The following ANKS3 variants were observed in gnomAD, a reference collection of about 807,000 sequenced individuals.
ANKS3 encodes ankyrin repeat and SAM domain-containing protein 3.
Under a neutral mutation model 80.7 loss-of-function variants are expected in ANKS3, and 62 were observed. The ratio of observed to expected loss-of-function variants is 0.77; its 90% CI spans 0.63 to 0.95. The LOEUF is 0.95. Among genes scored for constraint, ANKS3 ranks in the 40% least tolerant of loss-of-function variants. ANKS3 has a pLI of 0.00. For missense variants in ANKS3, 1,150 were observed against 883.6 expected (o/e 1.30, Z -3.82); for synonymous variants, 489 against 355.3 (o/e 1.38, Z -4.23).
At position 4,724,745 on chromosome 16, in the gene ANKS3, C is replaced by CTTA. The variant is rs768863035; in HGVS notation, c.573+2_573+4dup. 6.4e-5 allele frequency: 103 copies of CTTA among 1,612,510 alleles called. No individual in the cohort carries two copies. The highest frequency in any genetic ancestry group is 1.1e-5 in the Non-Finnish European group (13 of 1,179,262). Reference sequence around the variant, plus strand: ...CATTACATGCTAATAATCAGGGTCACTTACGTGATTCAGAAAATACTGCAC... The same window carrying CTTA: ...CATTACATGCTAATAATCAGGGTCACTTATTACGTGATTCAGAAAATACTGCAC... On this transcript the variant is annotated splice_donor_region_variant and intron_variant, in intron 6 of 17. Coordinates refer to ENST00000304283, the MANE Select transcript of ANKS3 (RefSeq NM_133450.4).
chr16:4,724,498 A>G (rs533862581), intron 6 of ANKS3, among the ~76,000 whole-genome samples: 7 of 152,330 alleles, frequency 4.6e-5, no homozygotes, highest in African/African-American at 1.7e-4. Context: ...TACTTTTAAA[A>G]TATTTTTCCA....
At chr16:4,726,599 C>G in intron 5 of ANKS3, 60 bp downstream of exon 5, 1 of 1,572,924 alleles carries the variant, frequency 6.4e-7, no homozygotes, top group South Asian at 1.1e-5. Flanking sequence ...CAGAGCCACC[C>G]TCCTTAGAGT....
chr16:4,706,592 C>G (rs1264099636), intron 7 of ANKS3, among the ~76,000 whole-genome samples: 1 of 152,208 alleles, frequency 6.6e-6, no homozygotes, highest in Non-Finnish European at 1.5e-5. Flanking sequence ...TAAACTGTTT[C>G]AAATCACTTC....
intron 1 of ANKS3, among the ~76,000 whole-genome samples, chr16:4,733,202 CAAAAA>C (rs56944690): frequency 2.4e-4 from 17 of 70,528 alleles, no homozygotes; most frequent in African/African-American, 5.9e-4. Context: ...GACTCCGTCT[CAAAAA>C]AAAAAAAAAA....
chr16:4,697,231 C>G, intron 16 of ANKS3, 102 bp downstream of exon 16: 1 of 1,549,500 alleles, frequency 6.5e-7, no homozygotes, highest in East Asian at 2.3e-5. Flanking sequence ...CGAGGTCAGC[C>G]TTGGGGTAGA....
intron 16 of ANKS3, 96 bp downstream of exon 16, chr16:4,697,237 G>T (rs1567282071): frequency 6.5e-7 from 1 of 1,542,724 alleles, no homozygotes; most frequent in Non-Finnish European, 8.9e-7. Context: ...CAGCCTTGGG[G>T]TAGAGAGACA....
intron 8 of ANKS3, 47 bp downstream of exon 8, chr16:4,705,048 C>T: frequency 6.3e-7 from 1 of 1,597,134 alleles, no homozygotes; most frequent in Non-Finnish European, 8.5e-7. Context: ...AACACAAAAT[C>T]CTGGTATGCA....
chr16:4,704,287 C>T (rs890487600), intron 8 of ANKS3, among the ~76,000 whole-genome samples: 2 of 152,208 alleles, frequency 1.3e-5, no homozygotes, highest in Non-Finnish European at 2.9e-5. Flanking sequence ...GGACCCCTGG[C>T]TGAAACACTG....
At chr16:4,700,599 A>C in intron 11 of ANKS3, 1 of 371,308 alleles carries the variant, frequency 2.7e-6, no homozygotes, top group South Asian at 2.1e-5. Flanking sequence ...GGATGGTGGC[A>C]GCTGTAACCA....
chr16:4,696,965 A>T (rs1596335016), intron 17 of ANKS3, 52 bp downstream of exon 17: 1 of 1,571,154 alleles, frequency 6.4e-7, no homozygotes, highest in East Asian at 2.3e-5. Flanking sequence ...GCAGCCGCCC[A>T]GACAGGCCCT....
At chr16:4,716,818 G>A (rs1433420420) in intron 6 of ANKS3, among the ~76,000 whole-genome samples, 1 of 152,124 alleles carries the variant, frequency 6.6e-6, no homozygotes, top group Non-Finnish European at 1.5e-5. Flanking sequence ...AGGAGGCTGA[G>A]GGAGGAGAAA....
intron 9 of ANKS3, chr16:4,701,855 C>A (rs2079926522): frequency 3.9e-6 from 2 of 507,990 alleles, no homozygotes; most frequent in African/African-American, 4.0e-5. Flanking sequence ...CCCTGAAAGC[C>A]TCAGGGGCTC....
At chr16:4,701,380 A>T in intron 10 of ANKS3, 54 bp downstream of exon 10, 2 of 1,483,436 alleles carry the variant, frequency 1.3e-6, no homozygotes, top group Non-Finnish European at 1.8e-6. Context: ...GGGGGATGTC[A>T]GGCATCCCAG....
Position 4,701,447 on chromosome 16 carries a change from A to G in ANKS3, c.1106T>C (p.Val369Ala), listed in dbSNP as rs199838363. 104 of 1,606,650 alleles carry G rather than the reference A, an allele frequency of 6.5e-5. No homozygotes were observed. Among genetic ancestry groups the G allele is most frequent in the Non-Finnish European group, 1.2e-5 (14 of 1,175,504 alleles). ...RAQGLSSEAS[V>A]ESNEDSDHAC... ...AAGAATCCGTACCTCGTTGCTCTCC[A>G]CAGAAGCTTCGCTGCTGAGCCCCTG... Residue 369 changes from valine to alanine, a missense_variant, in exon 10 of 18, where the codon GTG becomes GCG. Val to Ala is a moderately conservative substitution (Grantham distance 64). Coordinates refer to ENST00000304283, the MANE Select transcript of ANKS3 (RefSeq NM_133450.4).
rs1375990868 is a variant in ANKS3 at position 4,696,585 on chromosome 16, C to G, written c.*323G>C. The G allele has an allele frequency of 1.6e-5, 3 of 190,160 alleles. No homozygotes were observed. The highest frequency in any genetic ancestry group is 7.1e-5 in the African/African-American group (3 of 42,376). 11.8% of individuals were successfully genotyped at this position (190,160 alleles called of 1,614,324 possible). ...CCAGTCCTCATTCCTAAGGTCCCAC[C>G]TCAGTTGGCACCTGTGCGTGTATAT... is the stretch of plus-strand genomic sequence containing the variant. On this transcript the variant is annotated 3_prime_UTR_variant, in exon 18 of 18. Transcript: ENST00000304283.
Position 4,719,822 on chromosome 16 carries a change from A to C in ANKS3, c.573+4928T>G, listed in dbSNP as rs145691483. Among the ~76,000 whole-genome samples, 335 of 152,120 alleles carry C rather than the reference A, an allele frequency of 2.2e-3. 1 individual carries two copies. Among genetic ancestry groups the C allele is most frequent in the African/African-American group, 7.7e-3 (321 of 41,510 alleles). ...AAAAAAAATAAATAAAAAATACAAA[A>C]ATAATTATTTGCAGAAAAAGAAACC... On this transcript the variant is annotated intron_variant, in intron 6 of 17. Coordinates refer to ENST00000304283, the MANE Select transcript of ANKS3 (RefSeq NM_133450.4).
chr16:4,700,846 G>A lies in ANKS3; in HGVS notation c.1284+124C>T, dbSNP rs775317867. 3.9e-6 allele frequency: 5 copies of A among 1,297,956 alleles called. No homozygotes were observed. The African/African-American group carries it at 7.3e-5, about 19-fold the overall frequency. The allele number at this position is 1,297,956 out of a possible 1,614,324, so 80.4% of individuals were successfully genotyped here. A position where few individuals can be genotyped will look rare whatever the true frequency, so the allele number is the denominator to read the frequency against. ...GAGCCTGTGGAGCCTAACAGGCCAT[G>A]GGGATGCCACCGCCATTCTGTTCTC... On this transcript the variant is annotated intron_variant, in intron 11 of 17. Transcript: ENST00000304283.
In ANKS3 at chr16:4,717,047, T is replaced by A. The variant is rs772845329; in HGVS notation, c.574-2861A>T. On this transcript the variant is annotated intron_variant, in intron 6 of 17. Coordinates refer to ENST00000304283, the MANE Select transcript of ANKS3 (RefSeq NM_133450.4). ...AGGAGTTCAAGACCAGCCTGGCCAA[T>A]GTGGGAAAACGTGGTAAAACCCCAT... 2.1e-5 allele frequency among the ~76,000 whole-genome samples: 3 copies of A among 143,654 alleles called. No homozygotes were observed. In the Admixed American group the frequency reaches 2.1e-4, roughly 10 times the overall value. 94.2% of individuals were successfully genotyped at this position (143,654 alleles called of 152,430 possible). A position where few individuals can be genotyped will look rare whatever the true frequency, so the allele number is the denominator to read the frequency against.
At chr16:4,717,701 C>A (rs923287742) in intron 6 of ANKS3, 1 of 152,124 alleles carries the variant, frequency 6.6e-6, no homozygotes, top group African/African-American at 2.4e-5. Flanking sequence ...ACTCTGTGGC[C>A]CACGCTGGAT....
Sources: gnomAD v4.1 joint callset for allele counts (sites outside exome capture counted in the v4.1 genomes callset) on GRCh38, gnomAD v4.1.1 for gene constraint, MANE v1.5 for transcripts, NCBI Gene and HGNC (gene_info 2026-07-23, HGNC 2026-07-21) for gene names.